The following NNMT variants were observed in gnomAD, a reference collection of about 807,000 sequenced individuals.
NNMT encodes the protein nicotinamide N-methyltransferase.
Under a neutral mutation model 11.7 loss-of-function variants are expected in NNMT, and 10 were observed. That is an observed-to-expected ratio of 0.85 (90% CI 0.53 to 1.45). NNMT has a LOEUF of 1.45. Among genes scored for constraint, NNMT ranks in the 40% most tolerant of loss-of-function variants. NNMT has a pLI of 0.00. For missense variants in NNMT, 381 were observed against 319.4 expected, an observed-to-expected ratio of 1.19 and a Z score of -1.47; for synonymous variants, 143 against 133.8, an observed-to-expected ratio of 1.07 and a Z score of -0.48.
chr11:114,262,447 C>T (rs1945090779), intron 1 of NNMT, among the ~76,000 whole-genome samples: 1 of 152,110 alleles, frequency 6.6e-6, no homozygotes. Context: ...TAAGTGAGAA[C>T]ATGCGGTGTT....
chr11:114,299,422 T>C (rs1267781869), intron 2 of NNMT, among the ~76,000 whole-genome samples: 1 of 152,244 alleles, frequency 6.6e-6, no homozygotes, highest in Non-Finnish European at 1.5e-5. Flanking sequence ...AAATTTTGAA[T>C]GTTACACCAA....
At chr11:114,287,858 C>T (rs916567938) in intron 2 of NNMT, among the ~76,000 whole-genome samples, 2 of 152,092 alleles carry the variant, frequency 1.3e-5, no homozygotes, top group Admixed American at 1.3e-4. Context: ...TGGAGTCCCC[C>T]CATCCATGAA....
intron 2 of NNMT, among the ~76,000 whole-genome samples, chr11:114,273,287 T>A (rs1945186091): frequency 6.6e-6 from 1 of 152,212 alleles, no homozygotes; most frequent in Non-Finnish European, 1.5e-5. Context: ...CGCTTCTTGC[T>A]GAACAAGAGG....
At chr11:114,302,622 T>A (rs1025580012) in intron 2 of NNMT, among the ~76,000 whole-genome samples, 1 of 152,186 alleles carries the variant, frequency 6.6e-6, no homozygotes, top group African/African-American at 2.4e-5. Context: ...CTTTACTATG[T>A]TTAAGTGTTA....
rs766772148 is a variant in NNMT at position 114,298,180 on chromosome 11, T to C, written c.362+22T>C. On this transcript the variant is annotated intron_variant, in intron 2 of 2. Coordinates refer to ENST00000299964, the MANE Select transcript of NNMT (RefSeq NM_006169.3). ...ACAGGTAGAGAAACTGGTGTCTACT[T>C]CTTGGCTTTTGAAGGTACCTGAGTG... 1.1e-5 allele frequency: 18 copies of C among 1,610,630 alleles called. 1 individual carries two copies. In the South Asian group the frequency reaches 2.0e-4, roughly 18 times the overall value.
chr11:114,274,446 T>C (rs1945199498), intron 2 of NNMT, among the ~76,000 whole-genome samples: 1 of 152,266 alleles, frequency 6.6e-6, no homozygotes, highest in South Asian at 2.1e-4. Flanking sequence ...TGCAGTCATT[T>C]GACTGGTCTC....
intron 2 of NNMT, among the ~76,000 whole-genome samples, chr11:114,276,616 A>T (rs773516953): frequency 5.3e-5 from 8 of 152,180 alleles, no homozygotes; most frequent in African/African-American, 9.7e-5. Flanking sequence ...AGGGAGGGAG[A>T]GAAAGAATTA....
In NNMT at chr11:114,280,155, T is replaced by C. The variant is rs190445210; in HGVS notation, c.-129-16273T>C. Among the ~76,000 whole-genome samples the C allele has an allele frequency of 2.8e-3, 426 of 152,118 alleles. 2 individuals carry two copies. Among genetic ancestry groups the C allele is most frequent in the South Asian group, 5.6e-3 (27 of 4,812 alleles). On this transcript the variant is annotated intron_variant, in intron 2 of 4. Transcript: ENST00000535401. The stretch of plus-strand genomic sequence containing the variant: ...AGGGAGGGCCCTGCTCTCATTCTAG[T>C]TGGGAAGGGAAGGGAAGGCAGACAA...
At chr11:114,301,050 C>G (rs1945433455) in intron 2 of NNMT, among the ~76,000 whole-genome samples, 1 of 152,150 alleles carries the variant, frequency 6.6e-6, no homozygotes, top group Non-Finnish European at 1.5e-5. Context: ...ACTACAGCAC[C>G]ACTACACACC....
chr11:114,300,396 T>G (rs1945426762), intron 2 of NNMT, among the ~76,000 whole-genome samples: 1 of 152,202 alleles, frequency 6.6e-6, no homozygotes, highest in Admixed American at 6.5e-5. Context: ...GCTTTCAAAT[T>G]AAATTTTGTT....
At chr11:114,263,697 G>A (rs998124014) in intron 2 of NNMT, among the ~76,000 whole-genome samples, 3 of 152,224 alleles carry the variant, frequency 2.0e-5, no homozygotes, top group African/African-American at 4.8e-5. Flanking sequence ...TAAAAGTCCC[G>A]AATTTCTGCC....
At chr11:114,293,683 G>C (rs1174445984), upstream of NNMT, among the ~76,000 whole-genome samples, 1 of 151,972 alleles carries the variant, frequency 6.6e-6, no homozygotes, top group African/African-American at 2.4e-5. Context: ...CTTGTACACT[G>C]TTGGAATGTA....
At chr11:114,301,279 C>T (rs139953288) in intron 2 of NNMT, among the ~76,000 whole-genome samples, 1 of 152,256 alleles carries the variant, frequency 6.6e-6, no homozygotes, top group East Asian at 1.9e-4. Flanking sequence ...CAGTATGTAA[C>T]CCAAAAAGCT....
At position 114,287,385 on chromosome 11, in the gene NNMT, T is replaced by C. The variant is rs537761992; in HGVS notation, c.-129-9043T>C. Among the ~76,000 whole-genome samples, 3 of 152,324 alleles carry C rather than the reference T, an allele frequency of 2.0e-5. No individual in the cohort carries two copies. The South Asian group carries it at 6.2e-4, about 32-fold the overall frequency. The stretch of plus-strand genomic sequence containing the variant: ...TCTTTAGAGTTTTGCCCTTCATATT[T>C]AGTTTTTTAATCTGCCTGAATTGTT... On this transcript the variant is annotated intron_variant, in intron 2 of 4. Coordinates refer to the NNMT transcript ENST00000535401.
intron 2 of NNMT, among the ~76,000 whole-genome samples, chr11:114,300,725 G>A (rs1290659243): frequency 6.6e-6 from 1 of 152,104 alleles, no homozygotes; most frequent in African/African-American, 2.4e-5. Flanking sequence ...TACATTTTTA[G>A]GATTGTTATG....
chr11:114,306,806 T>A (rs909071118), intron 2 of NNMT, among the ~76,000 whole-genome samples: 1 of 150,528 alleles, frequency 6.6e-6, no homozygotes, highest in African/African-American at 2.5e-5. Context: ...TCAGCATACC[T>A]GACAGAAGAA....
chr11:114,268,787 A>C (rs991025324), intron 2 of NNMT, among the ~76,000 whole-genome samples: 1 of 151,792 alleles, frequency 6.6e-6, no homozygotes, highest in African/African-American at 2.4e-5. Context: ...AAAAAAAAAA[A>C]AAAACTGAAA....
intron 2 of NNMT, among the ~76,000 whole-genome samples, chr11:114,280,839 C>G (rs572680893): frequency 1.2e-4 from 19 of 152,174 alleles, no homozygotes; most frequent in Non-Finnish European, 2.5e-4. Context: ...TGGGAGGGCT[C>G]TTCCCTCCTT....
rs148473125 is a variant in NNMT at position 114,309,094 on chromosome 11, A to T, written c.363-2951A>T. Among the ~76,000 whole-genome samples the T allele has an allele frequency of 1.6e-4, 24 of 152,284 alleles. No homozygotes were observed. The East Asian group carries it at 4.2e-3, about 27-fold the overall frequency. On this transcript the variant is annotated intron_variant, in intron 2 of 2. Transcript: ENST00000299964. ...TTCCACAATGTTCCCGTTATACAGG[A>T]TCATCCCGAAACACATCCCCCAGAA... is the stretch of plus-strand genomic sequence containing the variant.
Sources: allele counts gnomAD v4.1 joint callset (sites outside exome capture counted in the v4.1 genomes callset), GRCh38; gene constraint gnomAD v4.1.1; transcripts MANE v1.5; gene names NCBI Gene and HGNC (gene_info 2026-07-23, HGNC 2026-07-21).